PCDHGA3: variants seen among roughly 807,000 people sequenced by gnomAD.
PCDHGA3 encodes the protein protocadherin gamma-A3.
Under a neutral mutation model 58.5 loss-of-function variants are expected in PCDHGA3, and 40 were observed. The ratio of observed to expected loss-of-function variants is 0.68; its 90% CI spans 0.53 to 0.89. PCDHGA3 has a LOEUF of 0.89. PCDHGA3 is among the 40% of genes least tolerant of loss of function. The pLI, the probability that PCDHGA3 is intolerant of heterozygous loss-of-function variation, is 0.00. For missense variants in PCDHGA3, 1,223 were observed against 1,195.9 expected (o/e 1.02, Z -0.33); for synonymous variants, 530 against 525.7 (o/e 1.01, Z -0.11).
chr5:141,407,954 G>A, intron 1 of PCDHGA3: 1 of 640,866 alleles, frequency 1.6e-6, no homozygotes, highest in East Asian at 3.0e-5. Flanking sequence ...GTCGGCCAGT[G>A]CAGAGCAAGC....
rs751361180 is a variant in PCDHGA3, at chr5:141,345,828, G to A, written c.1795G>A (p.Gly599Ser). ...GGTGGTGGCGGTGGACAGAGACTCG[G>A]GCCAGAACGCCTGGCTGTCCTACCG... ...TKVVAVDRDS[G>S]QNAWLSYRLL... The change falls in exon 1 of 4, where the codon GGC becomes AGC. Residue 599 changes from glycine to serine, a missense_variant. By Grantham distance (56) the Gly-to-Ser change is moderately conservative (BLOSUM62 0). Transcript: ENST00000253812. The A allele has an allele frequency of 2.5e-6, 4 of 1,613,560 alleles. No homozygotes were observed. Among genetic ancestry groups the A allele is most frequent in the Non-Finnish European group, 2.5e-6 (3 of 1,179,994 alleles).
At chr5:141,504,500 GAGTGGATCT>G (rs2099838791) in intron 2 of PCDHGA3, among the ~76,000 whole-genome samples, 1 of 152,072 alleles carries the variant, frequency 6.6e-6, no homozygotes, top group Non-Finnish European at 1.5e-5. Context: ...TGCCCAGTCT[GAGTGGATCT>G]CCTCTGATAT....
intron 1 of PCDHGA3, chr5:141,391,117 G>C (rs1180056630): frequency 6.6e-6 from 1 of 152,054 alleles, no homozygotes; most frequent in African/African-American, 2.4e-5. Flanking sequence ...TATAGCTAGA[G>C]GTCTTCTAAT....
At chr5:141,415,476 G>A (rs765634887) in intron 1 of PCDHGA3, 1 of 1,614,076 alleles carries the variant, frequency 6.2e-7, no homozygotes. Context: ...CCGCGGACTC[G>A]CGAAAGAGTC....
chr5:141,417,028 GTTT>G, intron 1 of PCDHGA3: 2 of 150,056 alleles, frequency 1.3e-5, no homozygotes, highest in East Asian at 3.9e-4. Flanking sequence ...AAAAATACAG[GTTT>G]TTTTTTTAAA....
At chr5:141,361,713 C>T (rs747794210) in intron 1 of PCDHGA3, 1 of 1,613,286 alleles carries the variant, frequency 6.2e-7, no homozygotes, top group African/African-American at 1.3e-5. Flanking sequence ...AGCAGCTGCG[C>T]GCCTTCGAGC....
intron 1 of PCDHGA3, among the ~76,000 whole-genome samples, chr5:141,460,135 T>G (rs2098983196): frequency 6.6e-6 from 1 of 152,044 alleles, no homozygotes; most frequent in South Asian, 2.1e-4. Flanking sequence ...ATATATATAT[T>G]CTTGATGTGA....
chr5:141,417,285 A>C (rs913143514), intron 1 of PCDHGA3: 2 of 152,254 alleles, frequency 1.3e-5, no homozygotes, highest in African/African-American at 4.8e-5. Flanking sequence ...AAGGAACAAG[A>C]ATGACTGCCT....
intron 1 of PCDHGA3, chr5:141,390,162 A>G: frequency 6.2e-7 from 1 of 1,614,024 alleles, no homozygotes; most frequent in African/African-American, 1.3e-5. Context: ...TACAGGAAAG[A>G]CGGAGTTTAA....
intron 1 of PCDHGA3, chr5:141,361,696 G>T: frequency 6.2e-7 from 1 of 1,613,466 alleles, no homozygotes. Flanking sequence ...GCGCGCCTTC[G>T]ATCATGAGCA....
chr5:141,481,053 A>T (rs2099530801), intron 1 of PCDHGA3, among the ~76,000 whole-genome samples: 1 of 152,104 alleles, frequency 6.6e-6, no homozygotes, highest in Non-Finnish European at 1.5e-5. Flanking sequence ...GCGAGACTCC[A>T]CCTCAAAAAC....
In PCDHGA3 at chr5:141,491,552, G is replaced by A. The variant is rs769927075; in HGVS notation, c.2425-3255G>A. 1 of 1,614,008 alleles carries A rather than the reference G, an allele frequency of 6.2e-7. No individual in the cohort carries two copies. The highest frequency in any genetic ancestry group is 1.7e-5 in the Admixed American group (1 of 60,024). On this transcript the variant is annotated intron_variant, in intron 1 of 3. Coordinates refer to ENST00000253812, the MANE Select transcript of PCDHGA3 (RefSeq NM_018916.4). This position sits in a 1 kb window ranked among gnomAD's most constrained non-coding sequence, Gnocchi z 6.9. Reference sequence around the variant, plus strand: ...ACGCTGCGGCCCACAGACTCGCAGAGCCACTGCTACAGGACGTGCTTTTCA... The same window carrying A: ...ACGCTGCGGCCCACAGACTCGCAGAACCACTGCTACAGGACGTGCTTTTCA...
At chr5:141,451,926 T>G (rs994841982) in intron 1 of PCDHGA3, among the ~76,000 whole-genome samples, 5 of 151,122 alleles carry the variant, frequency 3.3e-5, no homozygotes, top group Non-Finnish European at 7.4e-5. Context: ...GGAAGGGAGG[T>G]AGGGAGGCAG....
Position 141,476,383 on chromosome 5 carries a change from C to T in PCDHGA3, c.2425-18424C>T, listed in dbSNP as rs547854431. The T allele has an allele frequency of 6.2e-7, 1 of 1,613,984 alleles. No homozygotes were observed. The highest frequency in any genetic ancestry group is 8.5e-7 in the Non-Finnish European group (1 of 1,180,044). On this transcript the variant is annotated intron_variant, in intron 1 of 3. Coordinates refer to ENST00000253812, the MANE Select transcript of PCDHGA3 (RefSeq NM_018916.4). This position sits in a 1 kb window ranked among gnomAD's most constrained non-coding sequence, Gnocchi z 7.6. ...GGGAGACCGGAGAGATGTTTGTGAA[C>T]GACCGTCTGGATCGAGAGGAGCTGT...
At chr5:141,355,079 A>G in intron 1 of PCDHGA3, 1 of 1,415,968 alleles carries the variant, frequency 7.1e-7, no homozygotes, top group Non-Finnish European at 9.4e-7. Context: ...GAAAGCTTCA[A>G]GCGGAAGCCC....
intron 1 of PCDHGA3, chr5:141,367,354 C>A (rs991967780): frequency 2.6e-5 from 4 of 151,972 alleles, no homozygotes; most frequent in African/African-American, 9.7e-5. Flanking sequence ...CTGGCTAACA[C>A]GGTGAAACCC....
At chr5:141,364,970 G>C in intron 1 of PCDHGA3, 2 of 1,613,914 alleles carry the variant, frequency 1.2e-6, no homozygotes, top group Non-Finnish European at 1.7e-6. Flanking sequence ...CCTCCTCACA[G>C]CTTTAGATGG....
intron 1 of PCDHGA3, among the ~76,000 whole-genome samples, chr5:141,484,009 T>A (rs1157069536): frequency 7.1e-5 from 1 of 14,094 alleles, no homozygotes; most frequent in African/African-American, 2.8e-4. Flanking sequence ...TGGATGAGGG[T>A]GGGGGTGGGG....
At chr5:141,405,029 C>T in intron 1 of PCDHGA3, 1 of 1,613,976 alleles carries the variant, frequency 6.2e-7, no homozygotes, top group Non-Finnish European at 8.5e-7. Flanking sequence ...TACCCTCTAC[C>T]TCGTTGTGGC....
Sources: gnomAD v4.1 joint callset for allele counts (sites outside exome capture counted in the v4.1 genomes callset) on GRCh38, gnomAD v4.1.1 for gene constraint, Gnocchi (gnomAD v3.1) non-coding constraint, MANE v1.5 for transcripts, NCBI Gene and HGNC (gene_info 2026-07-23, HGNC 2026-07-21) for gene names.